GRID1: variants seen among roughly 807,000 people sequenced by gnomAD.
The protein encoded by GRID1 is glutamate receptor ionotropic, delta-1.
In GRID1, 28 loss-of-function variants were observed where a neutral mutation model predicts 98.0. The ratio of observed to expected loss-of-function variants is 0.29; its 90% CI spans 0.21 to 0.39. The LOEUF (loss-of-function observed/expected upper bound fraction) is 0.39. GRID1 is among the 10% of genes least tolerant of loss of function. The probability of loss-of-function intolerance (pLI) is 1.00; values close to 1 mark genes in which losing one functional copy is unlikely to be tolerated. For synonymous variants in GRID1, 553 were observed against 538.5 expected, an observed-to-expected ratio of 1.03 and a Z score of -0.37; for missense variants, 1,111 against 1,340.5, an observed-to-expected ratio of 0.83 and a Z score of 2.67.
chr10:86,297,506 A>G (rs1338446256), intron 2 of GRID1, among the ~76,000 whole-genome samples: 1 of 152,228 alleles, frequency 6.6e-6, no homozygotes, highest in East Asian at 1.9e-4. Flanking sequence ...GTCAAATGAA[A>G]GAAACCTAGC....
chr10:85,929,190 G>C (rs143595172), intron 4 of GRID1, among the ~76,000 whole-genome samples: 3 of 152,210 alleles, frequency 2.0e-5, no homozygotes, highest in Non-Finnish European at 4.4e-5. Context: ...CCATATCAGA[G>C]AGTCTTTGGT....
chr10:85,842,389 G>T (rs751985454), intron 8 of GRID1, among the ~76,000 whole-genome samples: 3 of 152,124 alleles, frequency 2.0e-5, no homozygotes, highest in Middle Eastern at 3.4e-3. Flanking sequence ...CCTGGGTGAT[G>T]AGATAATCTG....
intron 2 of GRID1, among the ~76,000 whole-genome samples, chr10:86,296,167 C>T (rs781582427): frequency 6.6e-6 from 1 of 152,208 alleles, no homozygotes; most frequent in Non-Finnish European, 1.5e-5. Context: ...AGAACCAACA[C>T]TCAGTCCCAG....
At chr10:85,909,614 T>C (rs1489881903) in intron 5 of GRID1, among the ~76,000 whole-genome samples, 1 of 152,118 alleles carries the variant, frequency 6.6e-6, no homozygotes, top group Non-Finnish European at 1.5e-5. Flanking sequence ...AAGATGAATC[T>C]CAAAATAATT....
chr10:86,004,061 C>T (rs1205422789), intron 4 of GRID1, among the ~76,000 whole-genome samples: 1 of 152,154 alleles, frequency 6.6e-6, no homozygotes, highest in Non-Finnish European at 1.5e-5. Flanking sequence ...CTCACTGCTA[C>T]CCTGTAAGAG....
chr10:86,223,034 C>T (rs1846282320), intron 2 of GRID1, among the ~76,000 whole-genome samples: 1 of 152,200 alleles, frequency 6.6e-6, no homozygotes, highest in African/African-American at 2.4e-5. Flanking sequence ...GAAGCCTGGG[C>T]ATGTATGCTC....
chr10:86,338,395 G>A (rs1209098083), intron 2 of GRID1, among the ~76,000 whole-genome samples: 1 of 152,142 alleles, frequency 6.6e-6, no homozygotes, highest in Non-Finnish European at 1.5e-5. Flanking sequence ...ATGAAGTCAA[G>A]CAGAGCCACA....
rs1322102345 is a variant in GRID1 at position 85,770,891 on chromosome 10, A to C, written c.1234-41277T>G. Reference sequence around the variant, plus strand: ...GACGGGGAGAATGGAACCAAGATGGAAAACACTCTGCAGGGTATTATCCAG... The same window carrying C: ...GACGGGGAGAATGGAACCAAGATGGCAAACACTCTGCAGGGTATTATCCAG... On this transcript the variant is annotated intron_variant, in intron 8 of 15. Coordinates refer to ENST00000327946, the MANE Select transcript of GRID1 (RefSeq NM_017551.3). Among the ~76,000 whole-genome samples, 6 of 152,226 alleles carry C rather than the reference A, an allele frequency of 3.9e-5. No homozygotes were observed. The East Asian group carries it at 1.2e-3, about 29-fold the overall frequency.
chr10:86,089,903 C>T (rs1844120223), intron 4 of GRID1, among the ~76,000 whole-genome samples: 1 of 152,084 alleles, frequency 6.6e-6, no homozygotes, highest in Non-Finnish European at 1.5e-5. Flanking sequence ...CACGCCACCA[C>T]ACCTGGCTAA....
Position 85,770,513 on chromosome 10 carries a change from G to A in GRID1, c.1234-40899C>T, listed in dbSNP as rs529328892. 5.3e-5 allele frequency among the ~76,000 whole-genome samples: 8 copies of A among 152,268 alleles called. No individual in the cohort carries two copies. In the East Asian group the frequency reaches 1.5e-3, roughly 29 times the overall value. ...AAGTTGAGAGAAGAAGGCTTCAGAC[G>A]ATCAAACTACTCCTAGCTACAGGAG... On this transcript the variant is annotated intron_variant, in intron 8 of 15. Coordinates refer to ENST00000327946, the MANE Select transcript of GRID1 (RefSeq NM_017551.3).
intron 2 of GRID1, among the ~76,000 whole-genome samples, chr10:86,235,452 A>G (rs919013272): frequency 6.6e-6 from 1 of 152,252 alleles, no homozygotes; most frequent in Non-Finnish European, 1.5e-5. Flanking sequence ...TTTGAGTTTT[A>G]GCAAATTTAT....
At chr10:86,078,063 G>T (rs868401656) in intron 4 of GRID1, among the ~76,000 whole-genome samples, 16 of 152,256 alleles carry the variant, frequency 1.1e-4, no homozygotes, top group African/African-American at 3.6e-4. Context: ...GGGCTTAGAG[G>T]GAACTGGCAG....
At chr10:86,204,909 T>TG (rs1171434208) in intron 3 of GRID1, among the ~76,000 whole-genome samples, 4 of 145,326 alleles carry the variant, frequency 2.8e-5, no homozygotes, top group African/African-American at 1.0e-4. Context: ...GGGGAAGGCC[T>TG]GGCCCCTAAG....
intron 4 of GRID1, among the ~76,000 whole-genome samples, chr10:85,984,971 A>G (rs1842591282): frequency 6.6e-6 from 1 of 152,180 alleles, no homozygotes; most frequent in Non-Finnish European, 1.5e-5. Context: ...TCAACCTAGC[A>G]CTACATTTTG....
intron 3 of GRID1, among the ~76,000 whole-genome samples, chr10:86,142,257 G>A (rs1042027987): frequency 1.3e-5 from 2 of 152,250 alleles, no homozygotes; most frequent in Non-Finnish European, 2.9e-5. Context: ...AATGACTGCT[G>A]TTCTAAGTTT....
At position 86,307,672 on chromosome 10, in the gene GRID1, G is replaced by A. The variant is rs147639359; in HGVS notation, c.235+56269C>T. ...TGTATACTTCAAATTTACTAAGAGA[G>A]AATTTCTTAAGTTTCCTCACCACAA... is the stretch of plus-strand genomic sequence containing the variant. On this transcript the variant is annotated intron_variant, in intron 2 of 15. Coordinates refer to ENST00000327946, the MANE Select transcript of GRID1 (RefSeq NM_017551.3). Among the ~76,000 whole-genome samples the A allele has an allele frequency of 1.7e-3, 262 of 152,170 alleles. 2 individuals are homozygous for A. The East Asian group carries it at 0.04, about 23-fold the overall frequency.
chr10:86,043,350 C>T lies in GRID1; in HGVS notation c.726+95469G>A, dbSNP rs186006444. Among the ~76,000 whole-genome samples the T allele has an allele frequency of 1.8e-4, 28 of 152,294 alleles. No homozygotes were observed. The East Asian group carries it at 5.0e-3, about 27-fold the overall frequency. On this transcript the variant is annotated intron_variant, in intron 4 of 15. Coordinates refer to ENST00000327946, the MANE Select transcript of GRID1 (RefSeq NM_017551.3). ...CTGGAAAAGAGCTCCCTCTATACCT[C>T]GATGGAATTAGACTGACATAAGGCA...
chr10:85,677,145 C>G (rs1218887524), intron 12 of GRID1, among the ~76,000 whole-genome samples: 1 of 152,218 alleles, frequency 6.6e-6, no homozygotes, highest in African/African-American at 2.4e-5. Flanking sequence ...CCAGAGCCTC[C>G]TTAGTGTTAA....
chr10:85,828,639 AAACCCAGTGACAAC>A (rs1168669059), intron 8 of GRID1, among the ~76,000 whole-genome samples: 1 of 151,924 alleles, frequency 6.6e-6, no homozygotes, highest in Non-Finnish European at 1.5e-5. Flanking sequence ...ATGCAAAAAA[AAACCCAGTGACAAC>A]AACCCTTAGA....
Sources: allele counts gnomAD v4.1 joint callset (sites outside exome capture counted in the v4.1 genomes callset), GRCh38; gene constraint gnomAD v4.1.1; transcripts MANE v1.5; gene names NCBI Gene and HGNC (gene_info 2026-07-23, HGNC 2026-07-21).